NKAIN3: variants seen among roughly 807,000 people sequenced by gnomAD.
NKAIN3 encodes sodium/potassium-transporting ATPase subunit beta-1-interacting protein 3.
NKAIN3 carries 25 observed loss-of-function variants against 30.2 expected under a neutral mutation model. The ratio of observed to expected loss-of-function variants is 0.83; its 90% CI spans 0.60 to 1.16. The LOEUF (loss-of-function observed/expected upper bound fraction) is 1.16, where lower values mean the gene tolerates loss of function less well. NKAIN3 is among the 50% of genes most tolerant of loss of function. NKAIN3 has a pLI of 0.00. For missense variants in NKAIN3, 225 were observed against 254.1 expected (o/e 0.89, Z 0.78); for synonymous variants, 91 against 89.6 (o/e 1.02, Z -0.09).
intron 1 of NKAIN3, among the ~76,000 whole-genome samples, chr8:62,355,865 G>A (rs1816335058): frequency 6.6e-6 from 1 of 151,952 alleles, no homozygotes; most frequent in Admixed American, 6.6e-5. Context: ...TTGTTTCTGT[G>A]CATAAATTTT....
intron 3 of NKAIN3, among the ~76,000 whole-genome samples, chr8:62,663,186 C>T (rs1281098371): frequency 1.3e-5 from 2 of 152,104 alleles, no homozygotes; most frequent in Non-Finnish European, 2.9e-5. Flanking sequence ...TTGAAAATGT[C>T]AGATATGAAG....
intron 4 of NKAIN3, among the ~76,000 whole-genome samples, chr8:62,878,166 T>C (rs963322389): frequency 3.3e-5 from 5 of 152,186 alleles, no homozygotes; most frequent in Non-Finnish European, 7.3e-5. Context: ...TTTAGAATAC[T>C]AAGAGGAATT....
At chr8:62,684,823 G>C (rs1813747498) in intron 3 of NKAIN3, among the ~76,000 whole-genome samples, 1 of 152,166 alleles carries the variant, frequency 6.6e-6, no homozygotes, top group Admixed American at 6.5e-5. Flanking sequence ...GACATGTGCA[G>C]AAGGAAGACC....
intron 1 of NKAIN3, among the ~76,000 whole-genome samples, chr8:62,269,905 T>G (rs867892125): frequency 6.6e-6 from 1 of 152,132 alleles, no homozygotes; most frequent in Non-Finnish European, 1.5e-5. Flanking sequence ...GTATAATAAG[T>G]CTATCTATTC....
intron 6 of NKAIN3, among the ~76,000 whole-genome samples, chr8:62,964,533 A>AGG (rs1563647963): frequency 1.9e-5 from 2 of 107,014 alleles, no homozygotes; most frequent in African/African-American, 3.4e-5. Context: ...AGAGAGAGAG[A>AGG]GAGAGTGTGT....
chr8:62,980,317 G>T lies in NKAIN3; in HGVS notation c.*14910G>T, dbSNP rs1308876153. On this transcript the variant is annotated 3_prime_UTR_variant, in exon 7 of 7. Transcript: ENST00000623646. ...TTGACAATTCTTTTTAAAGGGGATT[G>T]CTCTTTTCTCCTTCTGGTTTCTCAA... The T allele has an allele frequency of 6.6e-6, 1 of 152,164 alleles. No homozygotes were observed. The highest frequency in any genetic ancestry group is 1.5e-5 in the Non-Finnish European group (1 of 68,026). The allele number at this position is 152,164 out of a possible 1,614,324, so 9.4% of individuals were successfully genotyped here.
At chr8:62,814,181 C>G (rs1429414162) in intron 4 of NKAIN3, among the ~76,000 whole-genome samples, 1 of 151,994 alleles carries the variant, frequency 6.6e-6, no homozygotes. Context: ...ATCTTCATAC[C>G]TCTCCCAAGA....
At chr8:62,282,488 A>G (rs1159651910) in intron 1 of NKAIN3, among the ~76,000 whole-genome samples, 1 of 152,174 alleles carries the variant, frequency 6.6e-6, no homozygotes, top group East Asian at 1.9e-4. Flanking sequence ...GCGTTTGCTG[A>G]CAGATTGACC....
chr8:62,638,677 C>T (rs1384695218), intron 3 of NKAIN3, among the ~76,000 whole-genome samples: 1 of 151,934 alleles, frequency 6.6e-6, no homozygotes, highest in African/African-American at 2.4e-5. Flanking sequence ...TCAACACTAC[C>T]CCAATTTAAT....
In NKAIN3 at chr8:62,491,747, G is replaced by A. The variant is rs575137055; in HGVS notation, c.55-87792G>A. Among the ~76,000 whole-genome samples the A allele has an allele frequency of 1.7e-3, 262 of 152,166 alleles. 1 individual carries two copies. Among genetic ancestry groups the A allele is most frequent in the African/African-American group, 5.1e-3 (211 of 41,528 alleles). On this transcript the variant is annotated intron_variant, in intron 1 of 6. Transcript: ENST00000623646. ...AGTAGCTGTAGGAAATAAAAGTCTA[G>A]GTTAAAGAGAATTACTCAGTATTGT...
chr8:62,896,826 G>A (rs1386014530), intron 4 of NKAIN3, among the ~76,000 whole-genome samples: 3 of 152,132 alleles, frequency 2.0e-5, no homozygotes, highest in Non-Finnish European at 2.9e-5. Context: ...CATTAGATTT[G>A]ACAAAATGTA....
intron 4 of NKAIN3, among the ~76,000 whole-genome samples, chr8:62,808,893 A>G (rs1338775770): frequency 6.6e-6 from 1 of 152,128 alleles, no homozygotes; most frequent in Non-Finnish European, 1.5e-5. Context: ...ACTAGGCAGG[A>G]ATTTCCTCAT....
intron 1 of NKAIN3, chr8:62,473,400 T>C (rs1234029574): frequency 6.6e-6 from 1 of 152,222 alleles, no homozygotes; most frequent in African/African-American, 2.4e-5. Context: ...TCATCATTTC[T>C]TATACTTGAA....
downstream of NKAIN3, among the ~76,000 whole-genome samples, chr8:62,989,468 C>T (rs1342488236): frequency 6.6e-6 from 1 of 152,008 alleles, no homozygotes; most frequent in Non-Finnish European, 1.5e-5. Flanking sequence ...AGGGTAACTC[C>T]CCCTTACAAA....
intron 1 of NKAIN3, among the ~76,000 whole-genome samples, chr8:62,431,851 A>G (rs1805009442): frequency 1.6e-5 from 2 of 124,416 alleles, no homozygotes; most frequent in Non-Finnish European, 3.4e-5. Context: ...ACTGAAGAGA[A>G]GCTTATAAAA....
At chr8:62,676,065 A>G (rs946335063) in intron 3 of NKAIN3, among the ~76,000 whole-genome samples, 1 of 152,234 alleles carries the variant, frequency 6.6e-6, no homozygotes, top group Non-Finnish European at 1.5e-5. Context: ...GCAATGAGCT[A>G]GATTTCTGCA....
chr8:62,285,892 G>A (rs1813365323), intron 1 of NKAIN3, among the ~76,000 whole-genome samples: 1 of 152,186 alleles, frequency 6.6e-6, no homozygotes, highest in Non-Finnish European at 1.5e-5. Context: ...TGAATTGGAT[G>A]CAGCTATTCT....
At chr8:62,912,613 T>C (rs1041521101) in intron 4 of NKAIN3, among the ~76,000 whole-genome samples, 2 of 152,112 alleles carry the variant, frequency 1.3e-5, no homozygotes, top group Non-Finnish European at 2.9e-5. Context: ...ACTTCTTTGT[T>C]AAAAACTAAG....
At chr8:62,295,444 C>A (rs4506206) in intron 1 of NKAIN3, among the ~76,000 whole-genome samples, 5,070 of 152,222 alleles carry the variant, frequency 0.033, 313 homozygotes, top group African/African-American at 0.12. Flanking sequence ...GTTACTCTGA[C>A]CTCACATCAT....
Sources: gnomAD v4.1 joint callset for allele counts (sites outside exome capture counted in the v4.1 genomes callset) on GRCh38, gnomAD v4.1.1 for gene constraint, MANE v1.5 for transcripts, NCBI Gene and HGNC (gene_info 2026-07-23, HGNC 2026-07-21) for gene names.